Variants in PRRC1 observed in about 807,000 individuals in gnomAD.
PRRC1 encodes the protein protein PRRC1.
A neutral mutation model predicts 40.7 loss-of-function variants in PRRC1; 39 were observed. The observed-to-expected ratio is 0.96, with a 90% CI of 0.74 to 1.25. PRRC1 has a LOEUF of 1.25. PRRC1 is among the 50% of genes most tolerant of loss of function. PRRC1 has a pLI of 0.00. For missense variants in PRRC1, 573 were observed against 548.3 expected, an observed-to-expected ratio of 1.05 and a Z score of -0.45; for synonymous variants, 175 against 193.3, an observed-to-expected ratio of 0.91 and a Z score of 0.79.
At chr5:127,542,734 T>A in intron 7 of PRRC1, among the ~76,000 whole-genome samples, 1 of 150,364 alleles carries the variant, frequency 6.7e-6, no homozygotes, top group Non-Finnish European at 1.5e-5. Flanking sequence ...TTGGTAGATC[T>A]TCCTCCATCC....
chr5:127,547,719 C>T (rs1390727735), intron 7 of PRRC1, 100 bp from the exon 8 acceptor site: 5 of 652,030 alleles, frequency 7.7e-6, no homozygotes, highest in Non-Finnish European at 1.0e-5. Context: ...TTTTTGAAAT[C>T]TGTTCTATCT....
Position 127,553,345 on chromosome 5 carries a change from T to C in PRRC1, c.*1429T>C. The C allele has an allele frequency of 1.0e-6, 1 of 985,706 alleles. No homozygotes were observed. The highest frequency in any genetic ancestry group is 1.2e-6 in the Non-Finnish European group (1 of 829,892). The allele number at this position is 985,706 out of a possible 1,614,324, so 61.1% of individuals were successfully genotyped here. ...ATTAAATTTGAATATTAAATATATG[T>C]TACTTTCCAAGCACTGTATAATGAC... On this transcript the variant is annotated 3_prime_UTR_variant, in exon 9 of 9. Coordinates refer to ENST00000296666, the MANE Select transcript of PRRC1 (RefSeq NM_130809.5).
intron 1 of PRRC1, among the ~76,000 whole-genome samples, chr5:127,520,991 CA>C (rs1160544314): frequency 6.6e-6 from 1 of 151,862 alleles, no homozygotes; most frequent in African/African-American, 2.4e-5. Context: ...ACAGTTAAAA[CA>C]AAAGACAGTT....
At position 127,553,868 on chromosome 5, in the gene PRRC1, C is replaced by T. The variant is rs1254151636; in HGVS notation, c.*1952C>T. The T allele has an allele frequency of 6.5e-7, 1 of 1,535,576 alleles. No individual in the cohort carries two copies. Among genetic ancestry groups the T allele is most frequent in the Non-Finnish European group, 8.7e-7 (1 of 1,146,626 alleles). On this transcript the variant is annotated 3_prime_UTR_variant, in exon 9 of 9. Transcript: ENST00000296666. ...TTGGTTGAAGCTAGAAATTTTCCTGCCCCTGGTGACCTGGTAAGCCTCCTG... is the reference window on the plus strand; with the variant it reads ...TTGGTTGAAGCTAGAAATTTTCCTGTCCCTGGTGACCTGGTAAGCCTCCTG...
At chr5:127,544,359 C>A (rs975354843) in intron 7 of PRRC1, among the ~76,000 whole-genome samples, 1 of 152,194 alleles carries the variant, frequency 6.6e-6, no homozygotes, top group African/African-American at 2.4e-5. Flanking sequence ...GCAGTCTGCC[C>A]GTTCTCAGAT....
intron 7 of PRRC1, among the ~76,000 whole-genome samples, chr5:127,539,645 T>G (rs1436981736): frequency 1.5e-4 from 23 of 152,160 alleles, no homozygotes; most frequent in Non-Finnish European, 1.5e-4. Flanking sequence ...TTTGCTTAAT[T>G]GATTTATATT....
At chr5:127,537,551 A>G (rs934741551) in intron 6 of PRRC1, among the ~76,000 whole-genome samples, 1 of 151,966 alleles carries the variant, frequency 6.6e-6, no homozygotes, top group Non-Finnish European at 1.5e-5. Context: ...TTTTAATTAA[A>G]TGTTTTGTGA....
At chr5:127,549,990 A>C (rs1031403171) in intron 8 of PRRC1, 1 of 152,052 alleles carries the variant, frequency 6.6e-6, no homozygotes, top group South Asian at 2.1e-4. Flanking sequence ...CGTGTGTACC[A>C]GTACCAAAAG....
At chr5:127,530,437 T>A in intron 5 of PRRC1, 41 bp downstream of exon 5, 2 of 1,378,228 alleles carry the variant, frequency 1.5e-6, no homozygotes, top group Non-Finnish European at 2.1e-6. Flanking sequence ...ATTTTTTTTT[T>A]AAGGGTATGT....
chr5:127,529,533 C>T lies in PRRC1; in HGVS notation c.655-761C>T, dbSNP rs1222347399. On this transcript the variant is annotated intron_variant, in intron 4 of 8. Transcript: ENST00000296666. ...TTAAATTTCAATTTTATGAACTCAT[C>T]TTTTCCTGAGTCACCTTAGTTTAAT... Among the ~76,000 whole-genome samples the T allele has an allele frequency of 5.3e-5, 8 of 152,230 alleles. No homozygotes were observed. In the East Asian group the frequency reaches 1.4e-3, roughly 26 times the overall value.
chr5:127,544,863 C>G (rs1768169275), intron 7 of PRRC1, among the ~76,000 whole-genome samples: 1 of 152,342 alleles, frequency 6.6e-6, no homozygotes, highest in African/African-American at 2.4e-5. Flanking sequence ...CCTGCTTCGG[C>G]TCGAGCATGG....
chr5:127,554,147 C>G lies in PRRC1; in HGVS notation c.*2231C>G, dbSNP rs1466248043. ...CACCATGGCAGCTTAGCCAGGTAGT[C>G]TTAGTGGTGGTGTTTAGGCATAAGA... is the stretch of plus-strand genomic sequence containing the variant. On this transcript the variant is annotated 3_prime_UTR_variant, in exon 9 of 9. Coordinates refer to ENST00000296666, the MANE Select transcript of PRRC1 (RefSeq NM_130809.5). 5.7e-6 allele frequency: 2 copies of G among 349,384 alleles called. No homozygotes were observed. The highest frequency in any genetic ancestry group is 1.0e-5 in the Non-Finnish European group (2 of 192,116). 21.6% of individuals were successfully genotyped at this position (349,384 alleles called of 1,614,324 possible). A position where few individuals can be genotyped will look rare whatever the true frequency, so the allele number is the denominator to read the frequency against.
rs1002783970 is a variant in PRRC1 at position 127,551,627 on chromosome 5, A to G, written c.1129-80A>G. 1.1e-5 allele frequency: 16 copies of G among 1,393,588 alleles called. No homozygotes were observed. In the Admixed American group the frequency reaches 2.6e-4, roughly 23 times the overall value. 86.3% of individuals were successfully genotyped at this position (1,393,588 alleles called of 1,614,324 possible). A position where few individuals can be genotyped will look rare whatever the true frequency, so the allele number is the denominator to read the frequency against. On this transcript the variant is annotated intron_variant, in intron 8 of 8. Coordinates refer to ENST00000296666, the MANE Select transcript of PRRC1 (RefSeq NM_130809.5). ...ATCTATATTTAAAATAACATGAAAC[A>G]CTTTGAAATGTCACTTATAGCTAGT...
intron 7 of PRRC1, among the ~76,000 whole-genome samples, chr5:127,544,843 A>C (rs1402296622): frequency 5.3e-5 from 8 of 152,186 alleles, no homozygotes; most frequent in Admixed American, 3.3e-4. Context: ...CGAGTGAGGC[A>C]ATGCCTCACC....
rs1486803671 is a variant in PRRC1 at position 127,554,392 on chromosome 5, A to C, written c.*2476A>C. The C allele has an allele frequency of 1.3e-5, 2 of 152,086 alleles. No individual in the cohort carries two copies. The highest frequency in any genetic ancestry group is 2.9e-5 in the Non-Finnish European group (2 of 68,038). 9.4% of individuals were successfully genotyped at this position (152,086 alleles called of 1,614,324 possible). The stretch of plus-strand genomic sequence containing the variant: ...TTGTGATTTTTTTTTTCTTCCGAAG[A>C]ACTCCTGGTTGTTATTGGATTTTGT... On this transcript the variant is annotated 3_prime_UTR_variant, in exon 9 of 9. Transcript: ENST00000296666.
At chr5:127,551,628 CTT>C in intron 8 of PRRC1, 77 bp from the exon 9 acceptor site, 1 of 1,409,892 alleles carries the variant, frequency 7.1e-7, no homozygotes, top group South Asian at 1.3e-5. Context: ...ACATGAAACA[CTT>C]TGAAATGTCA....
intron 7 of PRRC1, among the ~76,000 whole-genome samples, chr5:127,543,703 A>G (rs1465524729): frequency 2.0e-5 from 3 of 152,016 alleles, no homozygotes; most frequent in African/African-American, 7.3e-5. Context: ...GTAGTTCTCG[A>G]GCCTTGGCTT....
At chr5:127,523,070 C>T (rs1767501687) in intron 1 of PRRC1, among the ~76,000 whole-genome samples, 1 of 152,162 alleles carries the variant, frequency 6.6e-6, no homozygotes, top group Admixed American at 6.5e-5. Context: ...TCTTGGCCTC[C>T]CAGAGTGCTG....
intron 6 of PRRC1, among the ~76,000 whole-genome samples, chr5:127,537,502 A>G (rs896118241): frequency 3.3e-5 from 5 of 151,896 alleles, no homozygotes; most frequent in African/African-American, 1.2e-4. Flanking sequence ...AAATTTGTCT[A>G]CCTAGCTTAT....
Sources: allele counts gnomAD v4.1 joint callset (sites outside exome capture counted in the v4.1 genomes callset), GRCh38; gene constraint gnomAD v4.1.1; transcripts MANE v1.5; gene names NCBI Gene and HGNC (gene_info 2026-07-23, HGNC 2026-07-21).